Variants in GLIS3 observed in about 807,000 individuals in gnomAD.
GLIS3 encodes the protein zinc finger protein GLIS3.
In GLIS3, 53 loss-of-function variants were observed where a neutral mutation model predicts 78.6. That is an observed-to-expected ratio of 0.67 (90% CI 0.54 to 0.85). The LOEUF is 0.85. Ranked by LOEUF, GLIS3 falls within the 40% of genes least tolerant of loss-of-function variation. The pLI is 0.00. For missense variants in GLIS3, 1,703 were observed against 1,231.1 expected, an observed-to-expected ratio of 1.38 and a Z score of -5.74; for synonymous variants, 684 against 509.9, an observed-to-expected ratio of 1.34 and a Z score of -4.60.
At chr9:4,170,458 G>C (rs1287373217) in intron 2 of GLIS3, among the ~76,000 whole-genome samples, 1 of 152,146 alleles carries the variant, frequency 6.6e-6, no homozygotes, top group African/African-American at 2.4e-5. Flanking sequence ...CACGGTGTTA[G>C]AATGCCCTCC....
chr9:4,243,432 C>T (rs1184389706), intron 2 of GLIS3, among the ~76,000 whole-genome samples: 3 of 152,074 alleles, frequency 2.0e-5, no homozygotes, highest in Non-Finnish European at 4.4e-5. Flanking sequence ...AGAGTACTAA[C>T]ACAGGTATAC....
At chr9:4,256,466 T>G (rs541235693) in intron 2 of GLIS3, among the ~76,000 whole-genome samples, 1 of 152,196 alleles carries the variant, frequency 6.6e-6, no homozygotes, top group African/African-American at 2.4e-5. Flanking sequence ...TGTGAAAGAT[T>G]AAAAATTATG....
At chr9:4,239,199 G>C (rs1371562472) in intron 2 of GLIS3, among the ~76,000 whole-genome samples, 2 of 147,720 alleles carry the variant, frequency 1.4e-5, no homozygotes, top group Non-Finnish European at 3.0e-5. Context: ...GATAGCATTA[G>C]GAGATATACC....
intron 7 of GLIS3, among the ~76,000 whole-genome samples, chr9:3,883,537 A>G (rs943211166): frequency 1.3e-5 from 2 of 152,190 alleles, no homozygotes; most frequent in African/African-American, 4.8e-5. Context: ...ATTCAAAATA[A>G]TTTTCCAAAC....
At chr9:4,166,850 A>C (rs1815890289) in intron 2 of GLIS3, among the ~76,000 whole-genome samples, 1 of 152,234 alleles carries the variant, frequency 6.6e-6, no homozygotes, top group Non-Finnish European at 1.5e-5. Flanking sequence ...AGAGACAGCC[A>C]AGTCTTCCTC....
intron 4 of GLIS3, among the ~76,000 whole-genome samples, chr9:4,106,912 T>C (rs1395174254): frequency 6.6e-6 from 1 of 151,784 alleles, no homozygotes. Context: ...CCCAAGAACA[T>C]GTAATTTGGA....
intron 2 of GLIS3, among the ~76,000 whole-genome samples, chr9:4,213,692 T>A (rs564634293): frequency 6.6e-6 from 1 of 152,184 alleles, no homozygotes. Flanking sequence ...AACCCTGGCA[T>A]GCGAAAAAGC....
intron 4 of GLIS3, among the ~76,000 whole-genome samples, chr9:4,116,588 G>C (rs771847354): frequency 1.3e-5 from 2 of 152,148 alleles, no homozygotes; most frequent in South Asian, 2.1e-4. Flanking sequence ...GCTATCACCT[G>C]TTTGGTTTGC....
chr9:4,373,705 G>C, the GLIS3 span, among the ~76,000 whole-genome samples: 3 of 139,206 alleles, frequency 2.2e-5, no homozygotes. Flanking sequence ...TCTTGCTCTT[G>C]TCGCCCAGGC....
In GLIS3 at chr9:3,977,616, C is replaced by T. The variant is rs1818901229; in HGVS notation, c.1711-40427G>A. 6.6e-6 allele frequency among the ~76,000 whole-genome samples: 1 copy of T among 152,110 alleles called. No homozygotes were observed. The highest frequency in any genetic ancestry group is 1.5e-5 in the Non-Finnish European group (1 of 68,004). ...ATTTTCAATAACAAATCTGTCACTC[C>T]GATTTTAATTAGACGGCTTAAAGCA... On this transcript the variant is annotated intron_variant, in intron 4 of 10. Coordinates refer to ENST00000381971, the MANE Select transcript of GLIS3 (RefSeq NM_001042413.2). The surrounding 1 kb of genome is among the most constrained non-coding windows in gnomAD (Gnocchi z 4.1).
the GLIS3 span, among the ~76,000 whole-genome samples, chr9:4,400,627 T>C: frequency 6.6e-6 from 1 of 152,242 alleles, no homozygotes; most frequent in African/African-American, 2.4e-5. Context: ...TTTCCCTTAC[T>C]TCTCTTACAC....
chr9:4,148,217 A>G (rs1834376466), intron 2 of GLIS3, among the ~76,000 whole-genome samples: 1 of 152,076 alleles, frequency 6.6e-6, no homozygotes, highest in South Asian at 2.1e-4. Context: ...AACTCTTACT[A>G]ATTATTGCTG....
chr9:3,855,512 C>T (rs1001701781), intron 9 of GLIS3: 2 of 186,014 alleles, frequency 1.1e-5, no homozygotes, highest in Admixed American at 5.3e-5. Flanking sequence ...CAGAGAAAGA[C>T]AGGCGATATA....
intron 2 of GLIS3, among the ~76,000 whole-genome samples, chr9:4,169,377 G>A (rs1049915062): frequency 6.6e-6 from 1 of 152,362 alleles, no homozygotes; most frequent in East Asian, 1.9e-4. Flanking sequence ...GTTGTCAGAG[G>A]TGAGGTCTAC....
intron 2 of GLIS3, among the ~76,000 whole-genome samples, chr9:4,255,345 G>T (rs1319755252): frequency 6.6e-6 from 1 of 152,168 alleles, no homozygotes; most frequent in Non-Finnish European, 1.5e-5. Flanking sequence ...ATATGTCCCA[G>T]TGACTGTGCT....
chr9:4,464,466 T>C, the GLIS3 span, among the ~76,000 whole-genome samples: 2 of 151,976 alleles, frequency 1.3e-5, no homozygotes, highest in Admixed American at 1.3e-4. Flanking sequence ...ACAATCTCAG[T>C]TCACTGCAAC....
At chr9:4,116,003 A>C (rs1181455110) in intron 4 of GLIS3, among the ~76,000 whole-genome samples, 1 of 152,214 alleles carries the variant, frequency 6.6e-6, no homozygotes, top group Non-Finnish European at 1.5e-5. Flanking sequence ...CTTTCACTGA[A>C]GTATTTATAT....
chr9:4,245,531 G>A lies in GLIS3; in HGVS notation c.388+40507C>T, dbSNP rs1034341422. Among the ~76,000 whole-genome samples the A allele has an allele frequency of 2.6e-5, 4 of 152,230 alleles. No homozygotes were observed. In the South Asian group the frequency reaches 8.3e-4, roughly 32 times the overall value. ...AAAGGCAATTTGAAAAATGCGAAGA[G>A]CTATATAAATGTAAGGATGTGCAGT... On this transcript the variant is annotated intron_variant, in intron 2 of 10. Coordinates refer to ENST00000381971, the MANE Select transcript of GLIS3 (RefSeq NM_001042413.2).
Position 4,299,552 on chromosome 9 carries a change from G to A in GLIS3, c.-230C>T, listed in dbSNP as rs1265655612. ...GCTCCAGCCCTTCAGAGCGCTCCGC[G>A]GGCTGTGCCTCCTTCGGAAATGAAA... On this transcript the variant is annotated 5_prime_UTR_variant, in exon 1 of 11. Coordinates refer to ENST00000381971, the MANE Select transcript of GLIS3 (RefSeq NM_001042413.2). The A allele has an allele frequency of 3.3e-5, 5 of 152,716 alleles. No homozygotes were observed. Among genetic ancestry groups the A allele is most frequent in the East Asian group, 1.9e-4 (1 of 5,134 alleles). 9.5% of individuals were successfully genotyped at this position (152,716 alleles called of 1,614,324 possible). A position where few individuals can be genotyped will look rare whatever the true frequency, so the allele number is the denominator to read the frequency against.
Sources: gnomAD v4.1 joint callset for allele counts (sites outside exome capture counted in the v4.1 genomes callset) on GRCh38, gnomAD v4.1.1 for gene constraint, Gnocchi (gnomAD v3.1) non-coding constraint, MANE v1.5 for transcripts, NCBI Gene and HGNC (gene_info 2026-07-23, HGNC 2026-07-21) for gene names.